Variants in ANKRD18B observed in about 807,000 individuals in gnomAD.
ANKRD18B encodes ankyrin repeat domain-containing protein 18B.
A neutral mutation model predicts 111.8 loss-of-function variants in ANKRD18B; 75 were observed. The ratio of observed to expected loss-of-function variants is 0.67; its 90% CI spans 0.56 to 0.81. The LOEUF (loss-of-function observed/expected upper bound fraction) is 0.81. Among genes scored for constraint, ANKRD18B ranks in the 40% least tolerant of loss-of-function variants. The pLI is 0.00. For synonymous variants in ANKRD18B, 356 were observed against 417.3 expected (o/e 0.85, Z 1.79); for missense variants, 1,038 against 1,225.5 (o/e 0.85, Z 2.28).
intron 3 of ANKRD18B, among the ~76,000 whole-genome samples, chr9:33,532,095 G>A (rs1828125692): frequency 6.6e-6 from 1 of 152,118 alleles, no homozygotes; most frequent in African/African-American, 2.4e-5. Flanking sequence ...TTAGCCAGGT[G>A]TGGTGGCAGG....
chr9:33,557,941 A>T (rs946077724), intron 13 of ANKRD18B, 117 bp from the exon 14 acceptor site: 1 of 938,220 alleles, frequency 1.1e-6, no homozygotes, highest in African/African-American at 1.7e-5. Flanking sequence ...TGAAACTGAG[A>T]GGATCATAGT....
At chr9:33,544,932 A>G (rs1239574681) in intron 10 of ANKRD18B, among the ~76,000 whole-genome samples, 3 of 152,192 alleles carry the variant, frequency 2.0e-5, no homozygotes, top group Non-Finnish European at 4.4e-5. Flanking sequence ...GAGCTCTTAC[A>G]TTGTAACTCT....
At chr9:33,530,773 G>C (rs1828103111) in intron 3 of ANKRD18B, among the ~76,000 whole-genome samples, 1 of 152,144 alleles carries the variant, frequency 6.6e-6, no homozygotes, top group African/African-American at 2.4e-5. Context: ...ATATCACTCA[G>C]CTTACAGAAT....
chr9:33,534,189 G>A (rs546258772), intron 4 of ANKRD18B, among the ~76,000 whole-genome samples, 181 bp from the exon 5 acceptor site: 1 of 152,212 alleles, frequency 6.6e-6, no homozygotes, highest in South Asian at 2.1e-4. Flanking sequence ...TAGCCTTGGT[G>A]GTAATTTAAC....
At position 33,529,149 on chromosome 9, in the gene ANKRD18B, T is replaced by C; in HGVS notation, c.471T>C (p.His157=). Residue 157 remains histidine, a synonymous_variant, in exon 3 of 19, where the codon CAT becomes CAC. Coordinates refer to ENST00000684830, the MANE Select transcript of ANKRD18B (RefSeq NM_001393611.1). ...TSLAERLLSH[H]ANIEALNKEG... is the part of the protein sequence containing the mutation. ...TGGCAGAAAGACTGCTTTCCCACCATGCAAATATTGAAGCACTAAACAAGG... is the reference window on the plus strand; with the variant it reads ...TGGCAGAAAGACTGCTTTCCCACCACGCAAATATTGAAGCACTAAACAAGG... The C allele has an allele frequency of 6.2e-7, 1 of 1,611,342 alleles. No homozygotes were observed. The highest frequency in any genetic ancestry group is 1.1e-5 in the South Asian group (1 of 90,772).
chr9:33,559,741 G>A (rs959644516), intron 14 of ANKRD18B, among the ~76,000 whole-genome samples: 11 of 152,184 alleles, frequency 7.2e-5, no homozygotes, highest in Non-Finnish European at 1.0e-4. Flanking sequence ...GATCTGAAAC[G>A]AAGCAGCCCA....
intron 6 of ANKRD18B, among the ~76,000 whole-genome samples, chr9:33,538,050 AC>A (rs1346573314): frequency 4.6e-5 from 7 of 152,218 alleles, no homozygotes. Context: ...ATATAAGTGG[AC>A]CCCTGCAGTT....
chr9:33,573,701 A>G (rs1237583052), downstream of ANKRD18B, among the ~76,000 whole-genome samples: 1 of 143,792 alleles, frequency 7.0e-6, no homozygotes, highest in Non-Finnish European at 1.6e-5. Flanking sequence ...GCAGGGAGGG[A>G]GGGTCTGTGG....
intron 6 of ANKRD18B, among the ~76,000 whole-genome samples, chr9:33,539,121 GA>G (rs1188344218): frequency 6.6e-6 from 1 of 152,110 alleles, no homozygotes; most frequent in African/African-American, 2.4e-5. Context: ...ATCTGTTACA[GA>G]CTAAGCATTT....
At chr9:33,569,245 T>C (rs563060943) in intron 17 of ANKRD18B, 1 of 164,580 alleles carries the variant, frequency 6.1e-6, no homozygotes, top group African/African-American at 2.4e-5. Context: ...CTGTAGTTTG[T>C]CTGTGGTTCA....
At chr9:33,555,320 A>T (rs1441625569) in intron 12 of ANKRD18B, among the ~76,000 whole-genome samples, 1 of 152,218 alleles carries the variant, frequency 6.6e-6, no homozygotes, top group Non-Finnish European at 1.5e-5. Context: ...TCTAAAAATC[A>T]TCTTAGTAAG....
In ANKRD18B at chr9:33,529,073, T is replaced by C. The variant is rs774179943; in HGVS notation, c.395T>C (p.Ile132Thr). 5 of 1,612,150 alleles carry C rather than the reference T, an allele frequency of 3.1e-6. No individual in the cohort carries two copies. The South Asian group carries it at 4.4e-5, about 14-fold the overall frequency. The change falls in exon 3 of 19, where the codon ATC becomes ACC. Residue 132 changes from isoleucine (I) to threonine (T), a missense_variant. Coordinates refer to ENST00000684830, the MANE Select transcript of ANKRD18B (RefSeq NM_001393611.1). ...GGCGCCAATCCAAACATTAAGGATA[T>C]CTACGGCAACACTGCTCTCCATTAT... Reference protein sequence around the residue: ...KRGANPNIKDIYGNTALHYAV... With the variant: ...KRGANPNIKDTYGNTALHYAV...
rs779089892 is a variant in ANKRD18B at position 33,528,856 on chromosome 9, A to G, written c.321+15A>G. The G allele has an allele frequency of 4.8e-5, 77 of 1,590,036 alleles. No individual in the cohort carries two copies. The highest frequency in any genetic ancestry group is 6.2e-5 in the Non-Finnish European group (73 of 1,168,096). On this transcript the variant is annotated intron_variant, in intron 2 of 18. Coordinates refer to ENST00000684830, the MANE Select transcript of ANKRD18B (RefSeq NM_001393611.1). ...CTTTAATGAAGGTATATAGTAGCCA[A>G]CTCAGCATGAAATGGATTTGATTTA...
chr9:33,553,502 C>G (rs1346439299), intron 12 of ANKRD18B, among the ~76,000 whole-genome samples: 5 of 152,122 alleles, frequency 3.3e-5, no homozygotes, highest in Non-Finnish European at 7.4e-5. Context: ...AATCAATAGC[C>G]TCTAACTTCT....
At chr9:33,549,166 C>T (rs1828412214) in intron 11 of ANKRD18B, among the ~76,000 whole-genome samples, 1 of 152,156 alleles carries the variant, frequency 6.6e-6, no homozygotes, top group South Asian at 2.1e-4. Flanking sequence ...TACTAAAAAT[C>T]TTTGAACTGT....
intron 8 of ANKRD18B, among the ~76,000 whole-genome samples, 196 bp downstream of exon 8, chr9:33,540,408 G>C (rs1393388057): frequency 2.0e-5 from 3 of 152,100 alleles, no homozygotes; most frequent in Non-Finnish European, 1.5e-5. Flanking sequence ...CCAGGCACCG[G>C]GAAAGCAAAT....
At position 33,529,062 on chromosome 9, in the gene ANKRD18B, C is replaced by T. The variant is rs749281512; in HGVS notation, c.384C>T (p.Asn128=). ...IILLKRGANP[N]IKDIYGNTAL... Reference sequence around the variant, plus strand: ...TCCTGAAACGTGGCGCCAATCCAAACATTAAGGATATCTACGGCAACACTG... The same window carrying T: ...TCCTGAAACGTGGCGCCAATCCAAATATTAAGGATATCTACGGCAACACTG... Residue 128 remains asparagine (N), a synonymous_variant, in exon 3 of 19, where the codon AAC becomes AAT. Transcript: ENST00000684830. 3 of 1,612,220 alleles carry T rather than the reference C, an allele frequency of 1.9e-6. No individual in the cohort carries two copies. Among genetic ancestry groups the T allele is most frequent in the Admixed American group, 1.7e-5 (1 of 60,022 alleles).
In ANKRD18B at chr9:33,539,392, A is replaced by T. The variant is rs555370218; in HGVS notation, c.809-57A>T. ...GTGAGTGGAACTTTGCCAGGTAAGG[A>T]GGCAGAGGGATGATGTTTGGCAGAA... On this transcript the variant is annotated intron_variant, in intron 6 of 18. Transcript: ENST00000684830. The T allele has an allele frequency of 3.0e-5, 5 of 165,638 alleles. No individual in the cohort carries two copies. The East Asian group carries it at 9.6e-4, about 32-fold the overall frequency. The allele number at this position is 165,638 out of a possible 1,614,324, so 10.3% of individuals were successfully genotyped here.
intron 8 of ANKRD18B, 95 bp from the exon 9 acceptor site, chr9:33,541,052 G>A (rs149226086): frequency 0.061 from 88,692 of 1,443,790 alleles, 2,770 homozygotes; most frequent in Middle Eastern, 0.11. Flanking sequence ...AGGATTTAGG[G>A]TAAGCATGCA....
Sources: gnomAD v4.1 joint callset for allele counts (sites outside exome capture counted in the v4.1 genomes callset) on GRCh38, gnomAD v4.1.1 for gene constraint, MANE v1.5 for transcripts, NCBI Gene and HGNC (gene_info 2026-07-23, HGNC 2026-07-21) for gene names.